RHOT1: variants seen among roughly 807,000 people sequenced by gnomAD.
RHOT1 encodes the protein mitochondrial Rho GTPase 1.
Under a neutral mutation model 95.3 loss-of-function variants are expected in RHOT1, and 27 were observed. The ratio of observed to expected loss-of-function variants is 0.28; its 90% confidence interval spans 0.21 to 0.39. The LOEUF is 0.39. RHOT1 is among the 10% of genes least tolerant of loss of function. The pLI, the probability that RHOT1 is intolerant of heterozygous loss-of-function variation, is 1.00. For synonymous variants in RHOT1, 227 were observed against 263.5 expected (o/e 0.86, Z 1.34); for missense variants, 578 against 786.7 (o/e 0.73, Z 3.17).
At chr17:32,146,879 T>C (rs923670373) in intron 1 of RHOT1, among the ~76,000 whole-genome samples, 5 of 148,092 alleles carry the variant, frequency 3.4e-5, no homozygotes, top group Non-Finnish European at 6.0e-5. Context: ...TGCACCACCA[T>C]GTCTGGCTAA....
intron 6 of RHOT1, among the ~76,000 whole-genome samples, chr17:32,177,723 C>G (rs1015508957): frequency 2.1e-5 from 3 of 146,338 alleles, no homozygotes; most frequent in Non-Finnish European, 3.0e-5. Flanking sequence ...CCACTGCACT[C>G]CAGCCTGGGC....
intron 19 of RHOT1, among the ~76,000 whole-genome samples, chr17:32,219,161 G>A (rs2038670515): frequency 6.6e-6 from 1 of 152,160 alleles, no homozygotes; most frequent in Non-Finnish European, 1.5e-5. Context: ...TGTGTGGGAA[G>A]ACTGATAAAA....
chr17:32,189,697 C>A (rs1453097515), intron 8 of RHOT1, among the ~76,000 whole-genome samples: 1 of 148,398 alleles, frequency 6.7e-6, no homozygotes, highest in Non-Finnish European at 1.5e-5. Flanking sequence ...ATAACGGAAT[C>A]TTTTATTTAG....
intron 8 of RHOT1, among the ~76,000 whole-genome samples, chr17:32,183,747 C>T (rs987086120): frequency 4.6e-5 from 7 of 152,336 alleles, no homozygotes; most frequent in African/African-American, 1.4e-4. Context: ...GGCACGATCT[C>T]GATCTCGGCT....
At chr17:32,199,175 T>C in intron 12 of RHOT1, 144 bp downstream of exon 12, 1 of 751,314 alleles carries the variant, frequency 1.3e-6, no homozygotes, top group African/African-American at 1.8e-5. Flanking sequence ...GCAAAAATAT[T>C]TTCTGCTGTT....
At position 32,219,434 on chromosome 17, in the gene RHOT1, GT is replaced by G. The variant is rs139749983; in HGVS notation, c.1863-5177del. Among the ~76,000 whole-genome samples the G allele has an allele frequency of 9.1e-3, 1,389 of 152,192 alleles. 21 individuals carry two copies. The highest frequency in any genetic ancestry group is 0.032 in the African/African-American group (1,312 of 41,518). On this transcript the variant is annotated intron_variant, in intron 19 of 19. Transcript: ENST00000545287. ...GAGCCTCTGTGCCCAACCAGTTCAT[GT>G]TTTTATATTCACCTTAAGTTGCAGA...
rs2031894371 is a variant in RHOT1, at chr17:32,149,550, T to C, written c.37+6821T>C. Among the ~76,000 whole-genome samples the C allele has an allele frequency of 4.3e-5, 4 of 93,182 alleles. No individual in the cohort carries two copies. The South Asian group carries it at 1.4e-3, about 34-fold the overall frequency. The allele number at this position is 93,182 out of a possible 152,430, so 61.1% of individuals were successfully genotyped here. On this transcript the variant is annotated intron_variant, in intron 1 of 19. Coordinates refer to ENST00000545287, the MANE Select transcript of RHOT1 (RefSeq NM_001033566.3). ...GGCTCATGCCTGTAATCTCAGCACT[T>C]TGGGAGGCCGAGGCGGGTGAATCAC...
At chr17:32,163,315 A>G (rs1040118142) in intron 1 of RHOT1, among the ~76,000 whole-genome samples, 6 of 152,210 alleles carry the variant, frequency 3.9e-5, no homozygotes, top group Admixed American at 6.6e-5. Context: ...CAGTGAGGGA[A>G]GGAATGAATG....
At chr17:32,172,057 C>T (rs1446900836) in intron 2 of RHOT1, among the ~76,000 whole-genome samples, 1 of 152,194 alleles carries the variant, frequency 6.6e-6, no homozygotes, top group Non-Finnish European at 1.5e-5. Context: ...AAATTACCCT[C>T]TTTCTTGCAT....
intron 14 of RHOT1, among the ~76,000 whole-genome samples, chr17:32,201,962 A>G (rs555051656): frequency 2.0e-5 from 3 of 152,166 alleles, no homozygotes; most frequent in Admixed American, 6.5e-5. Context: ...ACCAGGCTGG[A>G]GTGCAGTGAT....
At chr17:32,159,029 A>G (rs898371787) in intron 1 of RHOT1, among the ~76,000 whole-genome samples, 1 of 151,950 alleles carries the variant, frequency 6.6e-6, no homozygotes, top group Non-Finnish European at 1.5e-5. Context: ...CCTACCTCAC[A>G]TGGCTGGGCA....
chr17:32,224,148 A>G (rs1346411369), intron 19 of RHOT1, among the ~76,000 whole-genome samples: 1 of 152,108 alleles, frequency 6.6e-6, no homozygotes, highest in East Asian at 1.9e-4. Context: ...GACTTTAATC[A>G]TTTCTCTTAG....
intron 6 of RHOT1, among the ~76,000 whole-genome samples, chr17:32,178,354 A>G (rs1476841326): frequency 6.6e-6 from 1 of 151,464 alleles, no homozygotes; most frequent in Non-Finnish European, 1.5e-5. Context: ...ACCACTCCTG[A>G]CTGGTTTTTG....
chr17:32,223,503 C>G (rs547982335), intron 19 of RHOT1, among the ~76,000 whole-genome samples: 12 of 151,516 alleles, frequency 7.9e-5, no homozygotes, highest in Admixed American at 6.6e-4. Flanking sequence ...CAAACTCCGT[C>G]TTCTAGGTTC....
chr17:32,213,988 AT>A (rs1397723528), intron 19 of RHOT1, among the ~76,000 whole-genome samples: 1 of 152,220 alleles, frequency 6.6e-6, no homozygotes, highest in African/African-American at 2.4e-5. Flanking sequence ...ACATCCTGAC[AT>A]CTGGTAATCA....
At chr17:32,207,453 T>C (rs1475535607) in intron 17 of RHOT1, 1 of 157,346 alleles carries the variant, frequency 6.4e-6, no homozygotes, top group Non-Finnish European at 1.4e-5. Context: ...TCAATAAGAT[T>C]CAATAGGAGT....
intron 1 of RHOT1, among the ~76,000 whole-genome samples, chr17:32,165,657 C>T (rs2034010316): frequency 6.6e-6 from 1 of 152,100 alleles, no homozygotes; most frequent in African/African-American, 2.4e-5. Flanking sequence ...AAAATGGGAT[C>T]ATATTGCACA....
At chr17:32,149,760 T>C (rs371378085) in intron 1 of RHOT1, among the ~76,000 whole-genome samples, 1 of 150,958 alleles carries the variant, frequency 6.6e-6, no homozygotes, top group Non-Finnish European at 1.5e-5. Flanking sequence ...CACATATATA[T>C]ATAGAGAGAA....
At position 32,162,693 on chromosome 17, in the gene RHOT1, A is replaced by T. The variant is rs2033674522; in HGVS notation, c.38-8350A>T. ...TTTTCCCATTCATGTAAAATTGGAA[A>T]ATTTTGTTCACTATCCAAGTGTTTC... On this transcript the variant is annotated intron_variant, in intron 1 of 19. Coordinates refer to ENST00000545287, the MANE Select transcript of RHOT1 (RefSeq NM_001033566.3). Among the ~76,000 whole-genome samples, 2 of 152,154 alleles carry T rather than the reference A, an allele frequency of 1.3e-5. 1 individual carries two copies. Among genetic ancestry groups the T allele is most frequent in the South Asian group, 4.1e-4 (2 of 4,828 alleles).
Sources: allele counts gnomAD v4.1 joint callset (sites outside exome capture counted in the v4.1 genomes callset), GRCh38; gene constraint gnomAD v4.1.1; transcripts MANE v1.5; gene names NCBI Gene and HGNC (gene_info 2026-07-23, HGNC 2026-07-21).